Variants in THSD4 observed in about 807,000 individuals in gnomAD.
The protein encoded by THSD4 is thrombospondin type-1 domain-containing protein 4.
Under a neutral mutation model 119.0 loss-of-function variants are expected in THSD4, and 69 were observed. The ratio of observed to expected loss-of-function variants is 0.58; its 90% CI spans 0.48 to 0.71. The LOEUF (loss-of-function observed/expected upper bound fraction) is 0.71. Ranked by LOEUF, THSD4 falls within the 30% of genes least tolerant of loss-of-function variation. THSD4 has a pLI of 0.00. For missense variants in THSD4, 1,393 were observed against 1,391.1 expected (o/e 1.00, Z -0.02); for synonymous variants, 524 against 540.4 (o/e 0.97, Z 0.42).
chr15:71,256,509 A>G (rs59237824), intron 5 of THSD4, 104 bp from the exon 6 acceptor site: 4 of 753,286 alleles, frequency 5.3e-6, no homozygotes, highest in Non-Finnish European at 7.7e-6. Context: ...AAGAATAAAA[A>G]TAAAAAATAA....
rs905607031 is a variant in THSD4 at position 71,252,113 on chromosome 15, A to G, written c.913-4500A>G. Among the ~76,000 whole-genome samples, 6 of 152,134 alleles carry G rather than the reference A, an allele frequency of 3.9e-5. No homozygotes were observed. In the South Asian group the frequency reaches 1.2e-3, roughly 31 times the overall value. ...CTCATCCTGAATGAGCCTGATCTCT[A>G]TCTACATGGCTTTTCCCCTGTCTCA... On this transcript the variant is annotated intron_variant, in intron 5 of 17. Transcript: ENST00000261862.
At chr15:71,734,667 C>A (rs893098971) in intron 10 of THSD4, among the ~76,000 whole-genome samples, 1 of 152,010 alleles carries the variant, frequency 6.6e-6, no homozygotes, top group Admixed American at 6.5e-5. Context: ...ATGACATGTC[C>A]GTGTAGGGTC....
At chr15:71,125,731 T>C (rs574355658) in intron 1 of THSD4, among the ~76,000 whole-genome samples, 221 of 152,322 alleles carry the variant, frequency 1.5e-3, no homozygotes, top group Admixed American at 3.7e-3. Context: ...TGGGTGTATC[T>C]TGGTTTCAGA....
intron 11 of THSD4, among the ~76,000 whole-genome samples, chr15:71,744,759 A>G (rs1174003239): frequency 6.6e-6 from 1 of 152,212 alleles, no homozygotes. Context: ...TGTTCCTTCT[A>G]TAATCATTCC....
chr15:71,283,777 A>G (rs1273386646), intron 6 of THSD4, among the ~76,000 whole-genome samples: 2 of 152,324 alleles, frequency 1.3e-5, no homozygotes, highest in Admixed American at 1.3e-4. Flanking sequence ...TTTAAAATTC[A>G]TATTTCTACA....
intron 14 of THSD4, 29 bp downstream of exon 14, chr15:71,748,623 G>A (rs776344330): frequency 6.2e-7 from 1 of 1,611,108 alleles, no homozygotes; most frequent in Admixed American, 1.7e-5. Flanking sequence ...AGAGCGCCGG[G>A]GACCGAGGTC....
At chr15:71,233,504 G>A (rs1322572589) in intron 4 of THSD4, among the ~76,000 whole-genome samples, 2 of 152,020 alleles carry the variant, frequency 1.3e-5, no homozygotes, top group Non-Finnish European at 2.9e-5. Context: ...ACAAATGAGA[G>A]CATGTTTAGT....
At position 71,097,793 on chromosome 15, in the gene THSD4, C is replaced by T. The variant is rs2040237665; in HGVS notation, c.-80+787C>T. ...ATCACACAATCTGTAATGTTCATTG[C>T]TCTATAGATTACTCTTGACACTAAA... On this transcript the variant is annotated intron_variant, in intron 1 of 17. Transcript: ENST00000355327. Among the ~76,000 whole-genome samples, 3 of 150,898 alleles carry T rather than the reference C, an allele frequency of 2.0e-5. No individual in the cohort carries two copies. In the South Asian group the frequency reaches 6.3e-4, roughly 32 times the overall value.
intron 7 of THSD4, among the ~76,000 whole-genome samples, chr15:71,626,797 T>G (rs913044885): frequency 3.3e-5 from 5 of 152,200 alleles, no homozygotes; most frequent in Non-Finnish European, 7.3e-5. Context: ...CATTGACGTG[T>G]TATTTTCTCT....
intron 8 of THSD4, among the ~76,000 whole-genome samples, chr15:71,686,818 A>G (rs1412507891): frequency 6.6e-6 from 1 of 152,226 alleles, no homozygotes; most frequent in South Asian, 2.1e-4. Context: ...CAACTCTCCT[A>G]TGCAAAAGCA....
intron 6 of THSD4, among the ~76,000 whole-genome samples, chr15:71,282,246 G>C (rs7183077): frequency 0.044 from 6,764 of 152,206 alleles, 330 homozygotes; most frequent in African/African-American, 0.12. Context: ...TTTCCCAAAT[G>C]AGGAATGTTT....
In THSD4 at chr15:71,451,108, G is replaced by A. The variant is rs1422275430; in HGVS notation, c.1152+39285G>A. On this transcript the variant is annotated intron_variant, in intron 7 of 17. Transcript: ENST00000261862. ...TGGGAGAATCACTTAAACCCGGGAG[G>A]CAGAGGTTGCAGTGAGCCAAGGTCA... Among the ~76,000 whole-genome samples, 3 of 152,246 alleles carry A rather than the reference G, an allele frequency of 2.0e-5. No individual in the cohort carries two copies. In the East Asian group the frequency reaches 5.8e-4, roughly 29 times the overall value.
intron 8 of THSD4, among the ~76,000 whole-genome samples, chr15:71,671,120 A>G (rs1334508870): frequency 6.6e-6 from 1 of 152,140 alleles, no homozygotes; most frequent in African/African-American, 2.4e-5. Context: ...AAGTGTTCCT[A>G]TTTCTCCACA....
intron 7 of THSD4, among the ~76,000 whole-genome samples, chr15:71,432,476 C>T (rs1595761670): frequency 6.6e-6 from 1 of 150,496 alleles, no homozygotes; most frequent in East Asian, 1.9e-4. Context: ...TCAAAAGACA[C>T]AGTAAAAACA....
intron 6 of THSD4, among the ~76,000 whole-genome samples, chr15:71,288,000 A>G (rs2044740027): frequency 6.6e-6 from 1 of 152,200 alleles, no homozygotes; most frequent in Non-Finnish European, 1.5e-5. Context: ...CACGACGCGC[A>G]ACATGCCCTG....
chr15:71,739,800 G>GT (rs1222283316), intron 11 of THSD4, among the ~76,000 whole-genome samples: 404 of 11,122 alleles, frequency 0.036, no homozygotes, highest in African/African-American at 0.044. Flanking sequence ...GGTTTGGGGT[G>GT]GTTTTTTTTT....
chr15:71,568,982 A>G (rs866271771), intron 7 of THSD4, among the ~76,000 whole-genome samples: 14 of 152,192 alleles, frequency 9.2e-5, no homozygotes, highest in South Asian at 4.1e-4. Context: ...TTCTTTAATC[A>G]GCATGTATTA....
chr15:71,420,072 G>T (rs915826610), intron 7 of THSD4, among the ~76,000 whole-genome samples: 2 of 108,214 alleles, frequency 1.8e-5, no homozygotes, highest in Admixed American at 1.2e-4. Flanking sequence ...TGAAAGTGTG[G>T]TGTTGAAGTG....
At chr15:71,283,158 A>G (rs945079090) in intron 6 of THSD4, among the ~76,000 whole-genome samples, 2 of 152,022 alleles carry the variant, frequency 1.3e-5, no homozygotes, top group African/African-American at 4.8e-5. Flanking sequence ...TTTAGTAGAG[A>G]CGGGGTTTCA....
Sources: allele counts gnomAD v4.1 joint callset (sites outside exome capture counted in the v4.1 genomes callset), GRCh38; gene constraint gnomAD v4.1.1; transcripts MANE v1.5; gene names NCBI Gene and HGNC (gene_info 2026-07-23, HGNC 2026-07-21).